NEGR1: variants seen among roughly 807,000 people sequenced by gnomAD.
NEGR1 encodes the protein IgLON family member 4.
A neutral mutation model predicts 40.9 loss-of-function variants in NEGR1; 10 were observed. That is an observed-to-expected ratio of 0.24 (90% CI 0.15 to 0.42). The LOEUF is 0.42. NEGR1 is among the 10% of genes least tolerant of loss of function. NEGR1 has a pLI of 1.00. For synonymous variants in NEGR1, 185 were observed against 166.8 expected (o/e 1.11, Z -0.84); for missense variants, 352 against 438.9 (o/e 0.80, Z 1.77).
chr1:71,690,615 G>GAGAC (rs1296076939), intron 4 of NEGR1, among the ~76,000 whole-genome samples: 1 of 77,806 alleles, frequency 1.3e-5, no homozygotes, highest in Non-Finnish European at 2.7e-5. Context: ...TATATAGAGG[G>GAGAC]AGACAGAGAG....
At chr1:72,063,053 A>G (rs1390411806) in intron 1 of NEGR1, among the ~76,000 whole-genome samples, 1 of 151,914 alleles carries the variant, frequency 6.6e-6, no homozygotes, top group Non-Finnish European at 1.5e-5. Context: ...TGATTTTAGA[A>G]GTCTCGAATA....
chr1:71,945,431 A>T (rs10889936), intron 1 of NEGR1, among the ~76,000 whole-genome samples: 56,421 of 151,958 alleles, frequency 0.37, 11,101 homozygotes, highest in East Asian at 0.64. Flanking sequence ...ATAAAATATA[A>T]TTAGAAGAAG....
chr1:71,790,671 T>G (rs183218463), intron 2 of NEGR1, among the ~76,000 whole-genome samples: 4 of 152,046 alleles, frequency 2.6e-5, no homozygotes, highest in African/African-American at 9.7e-5. Context: ...AAAACTATTT[T>G]ATGAGAATAC....
chr1:71,639,651 A>G (rs1314512046), intron 4 of NEGR1, among the ~76,000 whole-genome samples: 2 of 152,034 alleles, frequency 1.3e-5, no homozygotes, highest in African/African-American at 2.4e-5. Context: ...TGAGGGGGGA[A>G]ATTAGAGTCA....
chr1:72,146,301 G>A (rs925017392), intron 1 of NEGR1, among the ~76,000 whole-genome samples: 2 of 152,182 alleles, frequency 1.3e-5, no homozygotes, highest in African/African-American at 2.4e-5. Flanking sequence ...TAAGAGCGAT[G>A]CAGGTATTCT....
chr1:71,960,065 G>C (rs1441587265), intron 1 of NEGR1, among the ~76,000 whole-genome samples: 2 of 152,126 alleles, frequency 1.3e-5, no homozygotes, highest in Admixed American at 1.3e-4. Context: ...TAGGTAGGAA[G>C]TAGGGCAAGC....
intron 1 of NEGR1, among the ~76,000 whole-genome samples, chr1:72,091,541 G>A (rs1648498889): frequency 6.6e-6 from 1 of 151,664 alleles, no homozygotes; most frequent in Non-Finnish European, 1.5e-5. Context: ...GGAGAGCCAG[G>A]AATGAATACA....
intron 2 of NEGR1, among the ~76,000 whole-genome samples, chr1:71,826,212 T>G (rs1044723752): frequency 2.0e-5 from 3 of 151,928 alleles, no homozygotes; most frequent in Non-Finnish European, 2.9e-5. Context: ...AATGAACATA[T>G]GCAATCAAGT....
At chr1:71,943,661 G>C (rs1397987585) in intron 1 of NEGR1, among the ~76,000 whole-genome samples, 1 of 152,108 alleles carries the variant, frequency 6.6e-6, no homozygotes, top group African/African-American at 2.4e-5. Flanking sequence ...GAGTAAGAGA[G>C]ATCTTGTACA....
intron 4 of NEGR1, among the ~76,000 whole-genome samples, chr1:71,630,703 C>A (rs1650944703): frequency 6.6e-6 from 1 of 151,792 alleles, no homozygotes. Flanking sequence ...TAGAAATCAG[C>A]CTGCATTTGG....
chr1:71,413,991 C>G (rs1557517855), intron 6 of NEGR1, among the ~76,000 whole-genome samples: 1 of 152,094 alleles, frequency 6.6e-6, no homozygotes, highest in African/African-American at 2.4e-5. Flanking sequence ...ATTACTCAAG[C>G]TTTAAACTAG....
At position 72,157,997 on chromosome 1, in the gene NEGR1, C is replaced by T. The variant is rs569512683; in HGVS notation, c.176+124322G>A. Among the ~76,000 whole-genome samples, 19 of 152,274 alleles carry T rather than the reference C, an allele frequency of 1.2e-4. 1 individual carries two copies. The South Asian group carries it at 3.7e-3, about 30-fold the overall frequency. ...TCTCTCCCATTTTCACCATCCAATT[C>T]ATGGAAGTACTGGAAGATAGAGCCA... On this transcript the variant is annotated intron_variant, in intron 1 of 6. Coordinates refer to ENST00000357731, the MANE Select transcript of NEGR1 (RefSeq NM_173808.3).
At chr1:72,132,619 AG>A (rs577636314) in intron 1 of NEGR1, among the ~76,000 whole-genome samples, 75 of 152,324 alleles carry the variant, frequency 4.9e-4, no homozygotes, top group African/African-American at 1.8e-3. Flanking sequence ...CTATTACCGT[AG>A]GGTGACTTGT....
chr1:72,173,520 C>T (rs1652042593), intron 1 of NEGR1, among the ~76,000 whole-genome samples: 1 of 151,866 alleles, frequency 6.6e-6, no homozygotes, highest in East Asian at 2.0e-4. Flanking sequence ...CAGTAATGAA[C>T]TAGACTTTCC....
chr1:71,455,094 A>G (rs1646662754), intron 6 of NEGR1, among the ~76,000 whole-genome samples: 1 of 152,214 alleles, frequency 6.6e-6, no homozygotes. Context: ...GTCCAATTAC[A>G]GCATTCTGAA....
At chr1:71,777,513 A>G (rs995131862) in intron 2 of NEGR1, among the ~76,000 whole-genome samples, 5 of 152,158 alleles carry the variant, frequency 3.3e-5, no homozygotes, top group African/African-American at 1.2e-4. Context: ...GGGTTACTTT[A>G]TAAAATTTAT....
At chr1:72,087,436 A>AT (rs1327061452) in intron 1 of NEGR1, among the ~76,000 whole-genome samples, 8 of 151,024 alleles carry the variant, frequency 5.3e-5, no homozygotes, top group African/African-American at 1.2e-4. Flanking sequence ...GTCTCAAAAA[A>AT]AAAATATATA....
Position 71,716,252 on chromosome 1 carries a change from T to C in NEGR1, c.536-18113A>G, listed in dbSNP as rs566587917. Among the ~76,000 whole-genome samples, 7 of 152,206 alleles carry C rather than the reference T, an allele frequency of 4.6e-5. No individual in the cohort carries two copies. The South Asian group carries it at 1.2e-3, about 27-fold the overall frequency. The stretch of plus-strand genomic sequence containing the variant: ...CCATGATTAAATTATCTCCAACTGG[T>C]CTCGCCCTTGCTACATGGAGATTAT... On this transcript the variant is annotated intron_variant, in intron 3 of 6. Transcript: ENST00000357731.
At chr1:71,484,990 A>T (rs1297372468) in intron 6 of NEGR1, among the ~76,000 whole-genome samples, 1 of 151,746 alleles carries the variant, frequency 6.6e-6, no homozygotes, top group Non-Finnish European at 1.5e-5. Context: ...TAATATTTGA[A>T]GATGATAATT....
Sources: allele counts gnomAD v4.1 joint callset (sites outside exome capture counted in the v4.1 genomes callset), GRCh38; gene constraint gnomAD v4.1.1; transcripts MANE v1.5; gene names NCBI Gene and HGNC (gene_info 2026-07-23, HGNC 2026-07-21).